ZFAND6: variants seen among roughly 807,000 people sequenced by gnomAD.
The protein encoded by ZFAND6 is zinc finger AN1-type containing 6.
Under a neutral mutation model 24.5 loss-of-function variants are expected in ZFAND6, and 12 were observed. The ratio of observed to expected loss-of-function variants is 0.49; its 90% CI spans 0.31 to 0.79. The LOEUF (loss-of-function observed/expected upper bound fraction) is 0.79, where lower values mean the gene tolerates loss of function less well. Ranked by LOEUF, ZFAND6 falls within the 30% of genes least tolerant of loss-of-function variation. ZFAND6 has a pLI of 0.04. For missense variants in ZFAND6, 207 were observed against 245.9 expected (o/e 0.84, Z 1.06); for synonymous variants, 92 against 81.5 (o/e 1.13, Z -0.69).
At chr15:80,119,406 C>T (rs1318716009) in intron 2 of ZFAND6, among the ~76,000 whole-genome samples, 1 of 152,274 alleles carries the variant, frequency 6.6e-6, no homozygotes, top group Admixed American at 6.5e-5. Flanking sequence ...CTGGGATATG[C>T]TCATTACTGT....
chr15:80,136,996 T>G (rs1296638194), intron 6 of ZFAND6, among the ~76,000 whole-genome samples: 1 of 152,226 alleles, frequency 6.6e-6, no homozygotes, highest in East Asian at 1.9e-4. Context: ...GATCCCGTGC[T>G]CTTCACCTCT....
rs560106871 is a variant in ZFAND6, at chr15:80,106,061, G to A, written c.-18+7483G>A. On this transcript the variant is annotated intron_variant, in intron 2 of 6. Coordinates refer to ENST00000261749, the MANE Select transcript of ZFAND6 (RefSeq NM_019006.4). ...TGTTCTTGTACCTACATTGATGAGA[G>A]CAGAACTGTGTGTCCTAAATATCTT... Among the ~76,000 whole-genome samples, 3 of 152,322 alleles carry A rather than the reference G, an allele frequency of 2.0e-5. No homozygotes were observed. In the South Asian group the frequency reaches 6.2e-4, roughly 32 times the overall value.
intron 1 of ZFAND6, among the ~76,000 whole-genome samples, chr15:80,073,080 A>G (rs1472070857): frequency 2.0e-5 from 3 of 151,910 alleles, no homozygotes; most frequent in Non-Finnish European, 4.4e-5. Context: ...TTGAAATGCC[A>G]ACTGTTTAAT....
At chr15:80,071,475 T>C (rs1179594857) in intron 1 of ZFAND6, among the ~76,000 whole-genome samples, 4 of 152,168 alleles carry the variant, frequency 2.6e-5, no homozygotes, top group Non-Finnish European at 5.9e-5. Context: ...GTTAGAGTAA[T>C]GTTTGATGGG....
intron 2 of ZFAND6, among the ~76,000 whole-genome samples, chr15:80,103,005 C>G (rs987324992): frequency 2.0e-5 from 3 of 152,210 alleles, no homozygotes; most frequent in Non-Finnish European, 4.4e-5. Flanking sequence ...CTCCTCCCCA[C>G]CTCCATCCAT....
chr15:80,112,888 AT>A (rs1207577711), intron 2 of ZFAND6: 1 of 456,042 alleles, frequency 2.2e-6, no homozygotes, highest in African/African-American at 2.0e-5. Context: ...ATAAGAAAAA[AT>A]TAGAGTGTAC....
chr15:80,083,315 C>G (rs1393216233), intron 1 of ZFAND6, among the ~76,000 whole-genome samples: 2 of 152,100 alleles, frequency 1.3e-5, no homozygotes, highest in African/African-American at 4.8e-5. Context: ...TTTAAACCTC[C>G]CAGCCCTGTG....
At chr15:80,114,374 T>C (rs902470086) in intron 2 of ZFAND6, among the ~76,000 whole-genome samples, 2 of 152,128 alleles carry the variant, frequency 1.3e-5, no homozygotes, top group African/African-American at 4.8e-5. Context: ...GCTGCTCGGG[T>C]TAAATTATGT....
At chr15:80,087,094 G>A (rs1391590512) in intron 1 of ZFAND6, among the ~76,000 whole-genome samples, 2 of 152,140 alleles carry the variant, frequency 1.3e-5, no homozygotes, top group Non-Finnish European at 2.9e-5. Flanking sequence ...TTTATGCTTT[G>A]TCTGTTGTGA....
chr15:80,137,485 G>C lies in ZFAND6; in HGVS notation c.484G>C (p.Glu162Gln). ...CRKKVGLTGF[E>Q]CRCGNVYCGV... ...GTGTATTACTCCATTTCCAGGGTTT[G>C]AATGCCGGTGTGGAAATGTTTACTG... Residue 162 changes from glutamate (E) to glutamine (Q), a missense_variant, in exon 7 of 7, where the codon GAA becomes CAA. This residue lies in a region of ZFAND6 where 45 missense variants were observed against 67.7 expected (regional missense o/e 0.66). Coordinates refer to ENST00000261749, the MANE Select transcript of ZFAND6 (RefSeq NM_019006.4). 6.2e-7 allele frequency: 1 copy of C among 1,600,666 alleles called. No individual in the cohort carries two copies. The highest frequency in any genetic ancestry group is 1.1e-5 in the South Asian group (1 of 87,576).
At chr15:80,115,245 A>G (rs773155365) in intron 2 of ZFAND6, among the ~76,000 whole-genome samples, 2 of 152,230 alleles carry the variant, frequency 1.3e-5, no homozygotes, top group Non-Finnish European at 2.9e-5. Flanking sequence ...CTGGGATGTT[A>G]GAGGGAGTAA....
chr15:80,080,903 G>C (rs926805677), intron 1 of ZFAND6, among the ~76,000 whole-genome samples: 1 of 152,190 alleles, frequency 6.6e-6, no homozygotes, highest in African/African-American at 2.4e-5. Context: ...ACAGCACCAA[G>C]GGGATGGTGT....
intron 5 of ZFAND6, 121 bp from the exon 6 acceptor site, chr15:80,131,059 C>G: frequency 3.0e-6 from 2 of 660,672 alleles, no homozygotes; most frequent in East Asian, 5.4e-5. Context: ...AATTTAATGA[C>G]TAGTTTTCTG....
intron 2 of ZFAND6, among the ~76,000 whole-genome samples, chr15:80,115,856 T>C (rs1222469246): frequency 1.3e-5 from 2 of 152,176 alleles, no homozygotes; most frequent in Non-Finnish European, 2.9e-5. Flanking sequence ...ATGAAAAGCT[T>C]AGTGGTCATA....
chr15:80,088,121 A>G, intron 1 of ZFAND6, among the ~76,000 whole-genome samples: 1 of 152,194 alleles, frequency 6.6e-6, no homozygotes, highest in Admixed American at 6.5e-5. Flanking sequence ...TGTCTCAACA[A>G]TACCCTTTAT....
intron 5 of ZFAND6, among the ~76,000 whole-genome samples, chr15:80,124,822 G>A (rs1019556212): frequency 2.0e-5 from 3 of 152,102 alleles, no homozygotes; most frequent in African/African-American, 7.2e-5. Context: ...TTAGGTATAA[G>A]TTTCATCTCA....
intron 2 of ZFAND6, among the ~76,000 whole-genome samples, chr15:80,104,722 C>T (rs991421277): frequency 6.6e-6 from 1 of 152,040 alleles, no homozygotes; most frequent in African/African-American, 2.4e-5. Context: ...TAGTCATATT[C>T]TTCTTTGCAT....
intron 1 of ZFAND6, among the ~76,000 whole-genome samples, chr15:80,079,441 C>CG (rs1567057154): frequency 6.6e-6 from 1 of 151,704 alleles, no homozygotes; most frequent in African/African-American, 2.4e-5. Flanking sequence ...AGGATGGTCT[C>CG]GATCTCCTGA....
At chr15:80,066,846 G>A (rs1373419876) in intron 1 of ZFAND6, among the ~76,000 whole-genome samples, 1 of 149,646 alleles carries the variant, frequency 6.7e-6, no homozygotes, top group African/African-American at 2.5e-5. Context: ...GCAGTGAGCC[G>A]AGACTGCACC....
Sources: gnomAD v4.1 joint callset for allele counts (sites outside exome capture counted in the v4.1 genomes callset) on GRCh38, gnomAD v4.1.1 for gene constraint, gnomAD v4.1.1 regional missense constraint, MANE v1.5 for transcripts, NCBI Gene and HGNC (gene_info 2026-07-23, HGNC 2026-07-21) for gene names.